Variants in GAK observed in about 807,000 individuals in gnomAD.
The protein encoded by GAK is cyclin G associated kinase.
In GAK, 79 loss-of-function variants were observed where a neutral mutation model predicts 143.9. That is an observed-to-expected ratio of 0.55 (90% CI 0.46 to 0.66). GAK has a LOEUF of 0.66. Ranked by LOEUF, GAK falls within the 30% of genes least tolerant of loss-of-function variation. The pLI is 0.00. For synonymous variants in GAK, 881 were observed against 765.5 expected, an observed-to-expected ratio of 1.15 and a Z score of -2.49; for missense variants, 1,693 against 1,779.7, an observed-to-expected ratio of 0.95 and a Z score of 0.88.
chr4:849,487 A>T lies in GAK; in HGVS notation c.*186T>A. 1.7e-6 allele frequency: 1 copy of T among 582,236 alleles called. No individual in the cohort carries two copies. 36.1% of individuals were successfully genotyped at this position (582,236 alleles called of 1,614,324 possible). On this transcript the variant is annotated 3_prime_UTR_variant, in exon 28 of 28. Coordinates refer to ENST00000314167, the MANE Select transcript of GAK (RefSeq NM_005255.4). ...CCTTCGGGAGGAGAAAAAGGAAACA[A>T]CAATCAGAGGCTTTGGAATGCTTTC...
intron 6 of GAK, 43 bp from the exon 7 acceptor site, chr4:896,592 A>T (rs1187728749): frequency 6.8e-7 from 1 of 1,466,002 alleles, no homozygotes; most frequent in Admixed American, 1.7e-5. Flanking sequence ...TGCATCCCAC[A>T]AACAGTATTT....
chr4:920,116 G>A (rs756020144), intron 1 of GAK, among the ~76,000 whole-genome samples: 3 of 152,066 alleles, frequency 2.0e-5, no homozygotes, highest in Non-Finnish European at 2.9e-5. Context: ...AGACCATCCT[G>A]GCTAACGCAG....
chr4:911,162 CCA>C (rs1264940851), intron 4 of GAK, among the ~76,000 whole-genome samples: 1 of 152,168 alleles, frequency 6.6e-6, no homozygotes, highest in Non-Finnish European at 1.5e-5. Context: ...GGCTGGGCAC[CCA>C]CAGAGGGACC....
intron 9 of GAK, among the ~76,000 whole-genome samples, chr4:893,075 C>G (rs772580299): frequency 4.6e-5 from 7 of 152,118 alleles, no homozygotes; most frequent in Non-Finnish European, 1.0e-4. Flanking sequence ...GGATTTGGGG[C>G]TCACATGTGC....
Position 882,731 on chromosome 4 carries a change from T to A in GAK, c.1493A>T (p.Gln498Leu). The change falls in exon 14 of 28, where the codon CAG becomes CTG. Residue 498 changes from glutamine (Q) to leucine (L), a missense_variant. Transcript: ENST00000314167. ...ICRNMHAWLRQDHKNVCVVHC... is the reference protein window; with the variant it reads ...ICRNMHAWLRLDHKNVCVVHC... The stretch of plus-strand genomic sequence containing the variant: ...CACGACGCAGACGTTCTTGTGGTCC[T>A]GCCGCAGCCAGGCGTGCATGTTCCT... 6.2e-7 allele frequency: 1 copy of A among 1,612,786 alleles called. No individual in the cohort carries two copies. The highest frequency in any genetic ancestry group is 8.5e-7 in the Non-Finnish European group (1 of 1,179,966).
intron 4 of GAK, among the ~76,000 whole-genome samples, chr4:909,971 C>T (rs1207062330): frequency 6.6e-6 from 1 of 151,910 alleles, no homozygotes; most frequent in African/African-American, 2.4e-5. Flanking sequence ...CGTCAAGCAC[C>T]CATCCGCCAC....
At chr4:880,451 G>A (rs1193557228) in intron 15 of GAK, among the ~76,000 whole-genome samples, 2 of 152,178 alleles carry the variant, frequency 1.3e-5, no homozygotes, top group Admixed American at 6.5e-5. Context: ...AAAGGGTCTC[G>A]GCCAGGTCTG....
chr4:925,778 C>T (rs907657416), intron 1 of GAK, among the ~76,000 whole-genome samples: 3 of 152,212 alleles, frequency 2.0e-5, no homozygotes, highest in African/African-American at 7.2e-5. Flanking sequence ...TCTGCCGGCG[C>T]CTTGCGCCTG....
At chr4:867,773 C>G (rs1481430534) in intron 20 of GAK, among the ~76,000 whole-genome samples, 1 of 152,242 alleles carries the variant, frequency 6.6e-6, no homozygotes, top group Non-Finnish European at 1.5e-5. Context: ...CATGGCACGG[C>G]CCCTCAGCGC....
At chr4:902,611 A>AAAAAAAAAAAAAAAAAC (rs1560401685) in intron 5 of GAK, among the ~76,000 whole-genome samples, 1 of 149,828 alleles carries the variant, frequency 6.7e-6, no homozygotes, top group African/African-American at 2.5e-5. Context: ...AAAAAAAAAA[A>AAAAAAAAAAAAAAAAAC]AAACCCCAAA....
rs774809705 is a variant in GAK, at chr4:866,993, G to C, written c.2835C>G (p.Ser945Arg). The C allele has an allele frequency of 1.3e-6, 2 of 1,497,892 alleles. No individual in the cohort carries two copies. Among genetic ancestry groups the C allele is most frequent in the South Asian group, 2.7e-5 (2 of 73,174 alleles). 92.8% of individuals were successfully genotyped at this position (1,497,892 alleles called of 1,614,324 possible). Residue 945 changes from serine (S) to arginine (R), a missense_variant, in exon 21 of 28, where the codon AGC becomes AGG. Physicochemically the swap from Ser to Arg is moderately radical, Grantham distance 110. Around this residue, in one of 2 missense-constraint regions of GAK, gnomAD observed 822 missense variants for 788.7 expected, o/e 1.04. Transcript: ENST00000314167. ...LLLASPAPPL[S>R]VQSTPRGGPP... ...GCCCTCCTCTTGGGGTGCTCTGCAC[G>C]CTCAGGGGAGGGGCCGGGCTTGCCA...
intron 8 of GAK, 78 bp from the exon 9 acceptor site, chr4:893,567 G>T: frequency 9.7e-7 from 1 of 1,032,520 alleles, no homozygotes; most frequent in Non-Finnish European, 1.4e-6. Context: ...AGAGGTCACA[G>T]ACCACCAGAG....
chr4:925,402 G>C (rs933047010), intron 1 of GAK, among the ~76,000 whole-genome samples: 1 of 152,188 alleles, frequency 6.6e-6, no homozygotes, highest in African/African-American at 2.4e-5. Context: ...CTGGGGACGG[G>C]ACAGAGTGCC....
In GAK at chr4:877,649, C is replaced by T. The variant is rs779881986; in HGVS notation, c.1822G>A (p.Val608Met). 2 of 1,603,436 alleles carry T rather than the reference C, an allele frequency of 1.2e-6. No homozygotes were observed. The highest frequency in any genetic ancestry group is 1.7e-6 in the Non-Finnish European group (2 of 1,174,310). The change falls in exon 16 of 28, where the codon GTG becomes ATG. Residue 608 changes from valine (V) to methionine (M), a missense_variant. This residue lies in a region of GAK where 871 missense variants were observed against 991.0 expected (regional missense o/e 0.88). Coordinates refer to ENST00000314167, the MANE Select transcript of GAK (RefSeq NM_005255.4). ...FCEVYVGDER[V>M]ASTSQEYDKM... ...TCGTACTCCTGGGAGGTGCTGGCCA[C>T]ACGCTCGTCCCCCACGTAGACCTCG... is the stretch of plus-strand genomic sequence containing the variant.
In GAK at chr4:904,288, G is replaced by A. The variant is rs575372030; in HGVS notation, c.525+349C>T. On this transcript the variant is annotated intron_variant, in intron 5 of 27. Coordinates refer to ENST00000314167, the MANE Select transcript of GAK (RefSeq NM_005255.4). ...CCCGCACACAGAGGCCTTGGCAGCC[G>A]CGTGTGGAGGGAGCCACGACCTTGT... Among the ~76,000 whole-genome samples, 5 of 99,590 alleles carry A rather than the reference G, an allele frequency of 5.0e-5. No homozygotes were observed. In the East Asian group the frequency reaches 1.8e-3, roughly 36 times the overall value. The allele number at this position is 99,590 out of a possible 152,430, so 65.3% of individuals were successfully genotyped here.
chr4:849,531 G>A lies in GAK; in HGVS notation c.*142C>T, dbSNP rs1036236022. On this transcript the variant is annotated 3_prime_UTR_variant, in exon 28 of 28. Transcript: ENST00000314167. ...TGCTTTCTCTTCATGTGCCTGGAACGCTGGGCGGGCGGTGACCCGGGGCTC... is the reference window on the plus strand; with the variant it reads ...TGCTTTCTCTTCATGTGCCTGGAACACTGGGCGGGCGGTGACCCGGGGCTC... The A allele has an allele frequency of 5.4e-5, 34 of 625,968 alleles. No homozygotes were observed. Among genetic ancestry groups the A allele is most frequent in the Admixed American group, 8.5e-5 (3 of 35,326 alleles). The allele number at this position is 625,968 out of a possible 1,614,324, so 38.8% of individuals were successfully genotyped here.
At chr4:908,717 G>A (rs1393577085) in intron 4 of GAK, among the ~76,000 whole-genome samples, 2 of 152,216 alleles carry the variant, frequency 1.3e-5, no homozygotes, top group African/African-American at 4.8e-5. Context: ...GAGCCCAGGA[G>A]TTTGAAGCTA....
At chr4:872,567 G>C (rs1046733707) in intron 18 of GAK, 1 of 152,644 alleles carries the variant, frequency 6.6e-6, no homozygotes, top group Non-Finnish European at 1.5e-5. Context: ...GAGAGGCACA[G>C]TGGGAGGGGC....
chr4:877,468 TC>T, intron 16 of GAK, 146 bp downstream of exon 16: 1 of 829,672 alleles, frequency 1.2e-6, no homozygotes, highest in Non-Finnish European at 1.8e-6. Context: ...CTGACCAGGA[TC>T]CCAAGTGACC....
Sources: gnomAD v4.1 joint callset for allele counts (sites outside exome capture counted in the v4.1 genomes callset) on GRCh38, gnomAD v4.1.1 for gene constraint, gnomAD v4.1.1 regional missense constraint, MANE v1.5 for transcripts, NCBI Gene and HGNC (gene_info 2026-07-23, HGNC 2026-07-21) for gene names.